TP63: variants seen among roughly 807,000 people sequenced by gnomAD.
TP63 encodes tumor protein p63.
Under a neutral mutation model 82.8 loss-of-function variants are expected in TP63, and 17 were observed. That is an observed-to-expected ratio of 0.21 (90% CI 0.14 to 0.31). The LOEUF (loss-of-function observed/expected upper bound fraction) is 0.31. Ranked by LOEUF, TP63 falls within the 10% of genes least tolerant of loss-of-function variation. The pLI is 1.00. For missense variants in TP63, 648 were observed against 895.3 expected, an observed-to-expected ratio of 0.72 and a Z score of 3.52; for synonymous variants, 330 against 321.7, an observed-to-expected ratio of 1.03 and a Z score of -0.28.
chr3:189,889,289 T>C (rs1210620465), intron 11 of TP63, 51 bp from the exon 12 acceptor site: 1 of 1,614,002 alleles, frequency 6.2e-7, no homozygotes, highest in Non-Finnish European at 8.5e-7. Context: ...ACTGGGATGC[T>C]GGTACATGAT....
At chr3:189,872,519 A>G (rs749474721) in intron 9 of TP63, among the ~76,000 whole-genome samples, 20 of 152,144 alleles carry the variant, frequency 1.3e-4, no homozygotes, top group Non-Finnish European at 2.4e-4. Flanking sequence ...GGTCTTTTAA[A>G]TAACAAAATC....
intron 10 of TP63, among the ~76,000 whole-genome samples, chr3:189,875,289 C>T (rs1226375874): frequency 1.3e-5 from 2 of 151,746 alleles, no homozygotes; most frequent in East Asian, 2.0e-4. Flanking sequence ...AACTGTAGGC[C>T]GGGCACGGTG....
chr3:189,814,624 G>T (rs968522841), intron 4 of TP63, among the ~76,000 whole-genome samples: 2 of 152,174 alleles, frequency 1.3e-5, no homozygotes, highest in Non-Finnish European at 2.9e-5. Flanking sequence ...GAGTATTGAG[G>T]AAGAATGTAC....
Position 189,867,919 on chromosome 3 carries a change from C to T in TP63, c.969C>T (p.Ile323=). ...VGGMNRRPIL[I]IVTLETRDGQ... is the part of the protein sequence containing the mutation. ...GGATGAACCGCCGTCCAATTTTAAT[C>T]ATTGTTACTCTGGAAACCAGAGAGT... Residue 323 remains isoleucine (I), a synonymous_variant, in exon 7 of 14, where the codon ATC becomes ATT. Transcript: ENST00000264731. 6.2e-7 allele frequency: 1 copy of T among 1,613,934 alleles called. No individual in the cohort carries two copies. The highest frequency in any genetic ancestry group is 8.5e-7 in the Non-Finnish European group (1 of 1,179,898).
chr3:189,895,879 C>T lies in TP63; in HGVS notation c.*1377C>T, dbSNP rs764599956. The T allele has an allele frequency of 4.0e-5, 9 of 225,074 alleles. No individual in the cohort carries two copies. In the South Asian group the frequency reaches 9.2e-4, roughly 23 times the overall value. 13.9% of individuals were successfully genotyped at this position (225,074 alleles called of 1,614,324 possible). On this transcript the variant is annotated 3_prime_UTR_variant, in exon 14 of 14. Transcript: ENST00000264731. ...TCACTGTATCATTTTCTTTTTTAAC[C>T]GGTAAGAGTTTCAGTTTGTTGGAAA... is the stretch of plus-strand genomic sequence containing the variant.
chr3:189,794,896 T>G (rs571600594), intron 3 of TP63, among the ~76,000 whole-genome samples: 1 of 152,186 alleles, frequency 6.6e-6, no homozygotes, highest in East Asian at 1.9e-4. Flanking sequence ...AGGATACGCA[T>G]GGATTGTTTC....
In TP63 at chr3:189,894,583, C is replaced by A; in HGVS notation, c.*81C>A. The A allele has an allele frequency of 6.6e-7, 1 of 1,511,836 alleles. No individual in the cohort carries two copies. Among genetic ancestry groups the A allele is most frequent in the Non-Finnish European group, 9.0e-7 (1 of 1,110,954 alleles). 93.7% of individuals were successfully genotyped at this position (1,511,836 alleles called of 1,614,324 possible). On this transcript the variant is annotated 3_prime_UTR_variant, in exon 14 of 14. Coordinates refer to ENST00000264731, the MANE Select transcript of TP63 (RefSeq NM_003722.5). ...ACTCCTGCTTAATCTTCAAAGCCTT[C>A]TCCCTAGCTCCTCCCCTTCCTCTTG...
intron 3 of TP63, among the ~76,000 whole-genome samples, chr3:189,744,480 A>G (rs1209900845): frequency 6.6e-6 from 1 of 152,158 alleles, no homozygotes; most frequent in Non-Finnish European, 1.5e-5. Context: ...CAGGAACACC[A>G]TCCAGGGGCC....
chr3:189,875,616 A>ATACATATATATATATATATATATACG (rs1719041048), intron 10 of TP63, among the ~76,000 whole-genome samples: 3 of 108,700 alleles, frequency 2.8e-5, no homozygotes, highest in African/African-American at 1.3e-4. Flanking sequence ...ATATATATAT[A>ATACATATATATATATATATATATACG]TATATATATA....
intron 1 of TP63, among the ~76,000 whole-genome samples, chr3:189,715,219 G>C (rs1443733556): frequency 6.6e-6 from 1 of 152,146 alleles, no homozygotes; most frequent in Non-Finnish European, 1.5e-5. Context: ...CTAGATGGAA[G>C]GATTCTAGAC....
intron 10 of TP63, chr3:189,880,000 A>G: frequency 6.3e-7 from 1 of 1,582,610 alleles, no homozygotes; most frequent in Non-Finnish European, 8.6e-7. Context: ...TTCTGAATTC[A>G]ATTGATTTGA....
chr3:189,676,408 A>G (rs545269083), intron 1 of TP63, among the ~76,000 whole-genome samples: 2 of 152,188 alleles, frequency 1.3e-5, no homozygotes, highest in South Asian at 4.1e-4. Flanking sequence ...GGGATCATGC[A>G]GTATTTGTCT....
chr3:189,787,367 G>A (rs992377401), intron 3 of TP63, among the ~76,000 whole-genome samples: 2 of 152,090 alleles, frequency 1.3e-5, no homozygotes, highest in East Asian at 1.9e-4. Context: ...TCACAAATGA[G>A]GAATCTGAAT....
At chr3:189,720,613 A>G (rs1719306511) in intron 1 of TP63, among the ~76,000 whole-genome samples, 1 of 152,060 alleles carries the variant, frequency 6.6e-6, no homozygotes, top group South Asian at 2.1e-4. Flanking sequence ...ACATGCCTGT[A>G]ATCCCAGCTA....
intron 4 of TP63, among the ~76,000 whole-genome samples, chr3:189,844,889 A>G (rs1032067625): frequency 4.6e-5 from 7 of 152,012 alleles, no homozygotes; most frequent in Non-Finnish European, 1.0e-4. Context: ...TCTTCCCTAA[A>G]TCTTGCCTCC....
Position 189,895,238 on chromosome 3 carries a change from T to G in TP63, c.*736T>G, listed in dbSNP as rs1055700666. 2 of 221,658 alleles carry G rather than the reference T, an allele frequency of 9.0e-6. No homozygotes were observed. Among genetic ancestry groups the G allele is most frequent in the East Asian group, 1.3e-4 (2 of 15,154 alleles). The allele number at this position is 221,658 out of a possible 1,614,324, so 13.7% of individuals were successfully genotyped here. A position where few individuals can be genotyped will look rare whatever the true frequency, so the allele number is the denominator to read the frequency against. ...ACGTTGGGGTGATTTAATCCAGTTA[T>G]AAGAAGAAGTTCATGTCCAAACGTC... On this transcript the variant is annotated 3_prime_UTR_variant, in exon 14 of 14. Transcript: ENST00000264731.
At chr3:189,757,062 T>A (rs2108531234) in intron 3 of TP63, among the ~76,000 whole-genome samples, 1 of 152,324 alleles carries the variant, frequency 6.6e-6, no homozygotes, top group South Asian at 2.1e-4. Context: ...TACATACATA[T>A]ATATATAGTT....
upstream of TP63, chr3:189,631,225 C>G: frequency 1.0e-6 from 1 of 985,358 alleles, no homozygotes; most frequent in South Asian, 4.7e-5. Context: ...GTCAAGGACT[C>G]TGAAGCCGTG....
the TP63 span, among the ~76,000 whole-genome samples, chr3:189,612,626 G>T: frequency 1.3e-5 from 2 of 152,172 alleles, no homozygotes; most frequent in Non-Finnish European, 2.9e-5. Flanking sequence ...TTTGGAACTG[G>T]GTAAGAGGCA....
Sources: gnomAD v4.1 joint callset for allele counts (sites outside exome capture counted in the v4.1 genomes callset) on GRCh38, gnomAD v4.1.1 for gene constraint, MANE v1.5 for transcripts, NCBI Gene and HGNC (gene_info 2026-07-23, HGNC 2026-07-21) for gene names.